Variants in FARP1 observed in about 807,000 individuals in gnomAD.
FARP1 encodes the protein FERM, ARHGEF and pleckstrin domain-containing protein 1.
Under a neutral mutation model 128.8 loss-of-function variants are expected in FARP1, and 52 were observed. That is an observed-to-expected ratio of 0.40 (90% CI 0.32 to 0.51). FARP1 has a LOEUF of 0.51. Among genes scored for constraint, FARP1 ranks in the 20% least tolerant of loss-of-function variants. The pLI, the probability that FARP1 is intolerant of heterozygous loss-of-function variation, is 0.45. For missense variants in FARP1, 1,333 were observed against 1,367.9 expected, an observed-to-expected ratio of 0.97 and a Z score of 0.40; for synonymous variants, 580 against 551.8, an observed-to-expected ratio of 1.05 and a Z score of -0.72.
chr13:98,207,437 C>T (rs1815993875), intron 1 of FARP1, among the ~76,000 whole-genome samples: 1 of 152,026 alleles, frequency 6.6e-6, no homozygotes, highest in Non-Finnish European at 1.5e-5. Flanking sequence ...AGGAGTCTTG[C>T]TTTTTGCTTA....
chr13:98,324,851 C>T (rs987851923), intron 2 of FARP1, among the ~76,000 whole-genome samples: 5 of 152,334 alleles, frequency 3.3e-5, no homozygotes, highest in South Asian at 2.1e-4. Flanking sequence ...AGCCACACAG[C>T]GAAGACCTTC....
chr13:98,325,915 C>T (rs1228367225), intron 2 of FARP1, among the ~76,000 whole-genome samples: 2 of 152,174 alleles, frequency 1.3e-5, no homozygotes, highest in African/African-American at 2.4e-5. Context: ...GGCATTTTAG[C>T]AGAGAAAACA....
intron 2 of FARP1, among the ~76,000 whole-genome samples, chr13:98,282,340 C>G (rs967989134): frequency 2.0e-5 from 3 of 151,962 alleles, no homozygotes; most frequent in African/African-American, 7.3e-5. Context: ...ACTCAATTAA[C>G]CTACACAGGC....
chr13:98,376,911 C>T (rs1889610176), intron 5 of FARP1, among the ~76,000 whole-genome samples: 1 of 151,970 alleles, frequency 6.6e-6, no homozygotes, highest in South Asian at 2.1e-4. Flanking sequence ...TTTCATAAGC[C>T]TGTTTGCTGT....
chr13:98,371,612 C>A (rs1469351031), intron 5 of FARP1, among the ~76,000 whole-genome samples: 3 of 151,974 alleles, frequency 2.0e-5, no homozygotes, highest in Non-Finnish European at 4.4e-5. Flanking sequence ...GCATAGAGAA[C>A]CTCATGGGGC....
At position 98,448,216 on chromosome 13, in the gene FARP1, C is replaced by G. The variant is rs114282870; in HGVS notation, c.3057-20C>G. ...TCCGTCCAAACAAAAGGTTGACTAA[C>G]TGGCGTTCCCGTGTTGCAGGTGGAT... On this transcript the variant is annotated intron_variant, in intron 26 of 26. Transcript: ENST00000319562. 1.2e-6 allele frequency: 2 copies of G among 1,607,368 alleles called. No individual in the cohort carries two copies. The highest frequency in any genetic ancestry group is 1.7e-5 in the Admixed American group (1 of 60,018).
intron 2 of FARP1, among the ~76,000 whole-genome samples, chr13:98,309,153 C>CTTTTTTTTTTTTTT (rs56030081): frequency 2.2e-5 from 2 of 89,670 alleles, no homozygotes; most frequent in African/African-American, 4.4e-5. Context: ...TTTAAGAGGC[C>CTTTTTTTTTTTTTT]TTTTTTTTTT....
chr13:98,395,580 ATCCCGG>A, intron 13 of FARP1, 104 bp downstream of exon 13: 1 of 1,365,688 alleles, frequency 7.3e-7, no homozygotes, highest in Non-Finnish European at 9.9e-7. Context: ...AAGCGTCCCG[ATCCCGG>A]TCCCGATCCC....
At chr13:98,180,401 G>C (rs1174763296) in intron 1 of FARP1, among the ~76,000 whole-genome samples, 1 of 152,046 alleles carries the variant, frequency 6.6e-6, no homozygotes, top group Admixed American at 6.6e-5. Context: ...CTCCCACCAG[G>C]CCCTACCTCC....
chr13:98,194,093 CATTTT>C (rs1007770708), intron 1 of FARP1, among the ~76,000 whole-genome samples: 12 of 151,626 alleles, frequency 7.9e-5, no homozygotes, highest in Admixed American at 1.3e-4. Context: ...TATTATACAC[CATTTT>C]ATTTTATTTT....
At chr13:98,439,295 G>T in intron 21 of FARP1, 99 bp downstream of exon 21, 1 of 784,106 alleles carries the variant, frequency 1.3e-6, no homozygotes, top group Non-Finnish European at 2.1e-6. Context: ...ACTGGATAGG[G>T]AGGGAGAGGG....
chr13:98,209,153 C>T lies in FARP1; in HGVS notation c.-23-4067C>T, dbSNP rs372507972. On this transcript the variant is annotated intron_variant, in intron 1 of 26. Transcript: ENST00000319562. ...CCTCCCGAGTAGCTGGGACTATAGG[C>T]GCCCACCACCATGCCCGGCTAATTT... Among the ~76,000 whole-genome samples the T allele has an allele frequency of 2.6e-4, 39 of 152,176 alleles. No individual in the cohort carries two copies. In the South Asian group the frequency reaches 7.9e-3, roughly 31 times the overall value.
intron 2 of FARP1, among the ~76,000 whole-genome samples, chr13:98,265,439 C>G (rs905137872): frequency 6.7e-6 from 1 of 149,634 alleles, no homozygotes; most frequent in Non-Finnish European, 1.5e-5. Context: ...CCTGCCTCAG[C>G]CTCCCAAGTA....
intron 2 of FARP1, chr13:98,331,764 C>A (rs1331178305): frequency 6.6e-6 from 1 of 152,136 alleles, no homozygotes; most frequent in East Asian, 1.9e-4. Context: ...GGCCAGGAGA[C>A]CTGCCTGAGC....
At chr13:98,219,234 G>A (rs947072829) in intron 2 of FARP1, among the ~76,000 whole-genome samples, 2 of 152,182 alleles carry the variant, frequency 1.3e-5, no homozygotes, top group Admixed American at 6.5e-5. Flanking sequence ...AGAAAGCTCA[G>A]GGTTTCCTCT....
At chr13:98,302,628 A>G (rs1361250005) in intron 2 of FARP1, among the ~76,000 whole-genome samples, 4 of 152,204 alleles carry the variant, frequency 2.6e-5, no homozygotes, top group Admixed American at 1.3e-4. Context: ...GAGATCAAGG[A>G]AAGGCAAGGT....
chr13:98,212,111 A>G (rs1242227467), intron 1 of FARP1, among the ~76,000 whole-genome samples: 1 of 152,172 alleles, frequency 6.6e-6, no homozygotes, highest in East Asian at 1.9e-4. Context: ...GCTGGAGTGC[A>G]GTGGTGCAAT....
rs1893110652 is a variant in FARP1 at position 98,450,012 on chromosome 13, G to T, written c.*1695G>T. 6 of 148,834 alleles carry T rather than the reference G, an allele frequency of 4.0e-5. No individual in the cohort carries two copies. In the South Asian group the frequency reaches 1.3e-3, roughly 32 times the overall value. 9.2% of individuals were successfully genotyped at this position (148,834 alleles called of 1,614,324 possible). A position where few individuals can be genotyped will look rare whatever the true frequency, so the allele number is the denominator to read the frequency against. On this transcript the variant is annotated 3_prime_UTR_variant, in exon 27 of 27. Transcript: ENST00000319562. ...TCATTCCTGGAGACTTGGGGACAAG[G>T]CAGTCTCCTCAGCTATTTATTTCTG... is the stretch of plus-strand genomic sequence containing the variant.
chr13:98,330,310 G>GT (rs1887447267), intron 2 of FARP1, among the ~76,000 whole-genome samples: 1 of 151,984 alleles, frequency 6.6e-6, no homozygotes, highest in South Asian at 2.1e-4. Context: ...AACATTTTGA[G>GT]TAGGGGAGTG....
Sources: gnomAD v4.1 joint callset for allele counts (sites outside exome capture counted in the v4.1 genomes callset) on GRCh38, gnomAD v4.1.1 for gene constraint, MANE v1.5 for transcripts, NCBI Gene and HGNC (gene_info 2026-07-23, HGNC 2026-07-21) for gene names.